Variants in KYNU observed in about 807,000 individuals in gnomAD.
KYNU encodes the protein L-kynurenine hydrolase.
A neutral mutation model predicts 59.2 loss-of-function variants in KYNU; 54 were observed. That is an observed-to-expected ratio of 0.91 (90% CI 0.73 to 1.14). The LOEUF (loss-of-function observed/expected upper bound fraction) is 1.14, where lower values mean the gene tolerates loss of function less well. Among genes scored for constraint, KYNU ranks in the 50% most tolerant of loss-of-function variants. The pLI is 0.00. For synonymous variants in KYNU, 177 were observed against 192.0 expected (o/e 0.92, Z 0.65); for missense variants, 567 against 554.4 (o/e 1.02, Z -0.23).
At chr2:142,967,541 G>A (rs995059097) in intron 8 of KYNU, 1 of 152,048 alleles carries the variant, frequency 6.6e-6, no homozygotes, top group African/African-American at 2.4e-5. Context: ...TCTGGATCCA[G>A]AATAATTTAA....
chr2:143,031,812 C>CCACCTGAG (rs1686750995), intron 11 of KYNU, among the ~76,000 whole-genome samples: 1 of 152,132 alleles, frequency 6.6e-6, no homozygotes, highest in African/African-American at 2.4e-5. Flanking sequence ...TATAAAGATA[C>CCACCTGAG]CACCTGAGAC....
intron 4 of KYNU, among the ~76,000 whole-genome samples, chr2:142,943,695 A>G (rs911997072): frequency 3.3e-5 from 5 of 152,190 alleles, no homozygotes; most frequent in Admixed American, 6.5e-5. Flanking sequence ...ATGTGAACAT[A>G]AATTTGCTTT....
At chr2:142,933,959 G>C (rs1360714077) in intron 4 of KYNU, among the ~76,000 whole-genome samples, 2 of 152,166 alleles carry the variant, frequency 1.3e-5, no homozygotes, top group East Asian at 3.8e-4. Flanking sequence ...TTTAGGTTTA[G>C]AACAGAAAAA....
At chr2:142,911,816 G>C (rs1250657067) in intron 2 of KYNU, among the ~76,000 whole-genome samples, 1 of 152,082 alleles carries the variant, frequency 6.6e-6, no homozygotes, top group Non-Finnish European at 1.5e-5. Flanking sequence ...TATGGTTTTT[G>C]TTCTCAATTA....
intron 11 of KYNU, among the ~76,000 whole-genome samples, chr2:143,032,793 A>G (rs1686795113): frequency 6.7e-6 from 1 of 149,042 alleles, no homozygotes; most frequent in Non-Finnish European, 1.5e-5. Flanking sequence ...CCTAGAGCTA[A>G]AAGTCAGCTT....
chr2:143,027,216 T>C (rs943452604), intron 10 of KYNU, among the ~76,000 whole-genome samples: 1 of 152,156 alleles, frequency 6.6e-6, no homozygotes, highest in African/African-American at 2.4e-5. Context: ...TTTAGATAAA[T>C]TGGAAGGAGT....
rs2304700 is a variant in KYNU, at chr2:143,033,445, G to T, written c.1041+124G>T. 97,866 of 810,176 alleles carry T rather than the reference G, an allele frequency of 0.12. 6,731 individuals carry two copies. Among genetic ancestry groups the T allele is most frequent in the East Asian group, 0.26 (10,862 of 41,042 alleles). The allele number at this position is 810,176 out of a possible 1,614,324, so 50.2% of individuals were successfully genotyped here. A position where few individuals can be genotyped will look rare whatever the true frequency, so the allele number is the denominator to read the frequency against. ...ACATGTGCACTGTGCATGAACAAGG[G>T]ACAGAAGGCAGCATTCCCCTTTAGG... On this transcript the variant is annotated intron_variant, in intron 12 of 13. Coordinates refer to ENST00000264170, the MANE Select transcript of KYNU (RefSeq NM_003937.3).
chr2:142,980,364 T>G (rs1388712037), intron 8 of KYNU, among the ~76,000 whole-genome samples: 2 of 151,622 alleles, frequency 1.3e-5, no homozygotes, highest in African/African-American at 4.8e-5. Flanking sequence ...AAGGTCTTTA[T>G]GACCTGTATC....
chr2:142,987,865 G>C (rs558153668), intron 10 of KYNU, among the ~76,000 whole-genome samples: 1 of 151,952 alleles, frequency 6.6e-6, no homozygotes, highest in Non-Finnish European at 1.5e-5. Flanking sequence ...ATGATGGTGA[G>C]TTCTTAATGA....
intron 10 of KYNU, among the ~76,000 whole-genome samples, chr2:142,987,753 G>T (rs1024380312): frequency 2.0e-5 from 3 of 151,934 alleles, no homozygotes; most frequent in African/African-American, 7.2e-5. Flanking sequence ...GTTTGGATTT[G>T]TGTCCCCACC....
intron 12 of KYNU, among the ~76,000 whole-genome samples, chr2:143,036,842 A>G (rs949410332): frequency 6.6e-6 from 1 of 152,220 alleles, no homozygotes; most frequent in Non-Finnish European, 1.5e-5. Context: ...TGAAGTTTCA[A>G]TAAACGAAAG....
intron 2 of KYNU, among the ~76,000 whole-genome samples, chr2:142,896,633 A>C (rs1052306772): frequency 1.3e-5 from 2 of 151,974 alleles, no homozygotes; most frequent in African/African-American, 4.8e-5. Context: ...TGCATCCTTG[A>C]CCTTCTTGGG....
chr2:142,899,372 G>C (rs1311892991), intron 2 of KYNU, among the ~76,000 whole-genome samples: 1 of 152,064 alleles, frequency 6.6e-6, no homozygotes, highest in African/African-American at 2.4e-5. Flanking sequence ...TTTACTACCC[G>C]ATTGGTCAGG....
At chr2:142,991,003 A>G (rs956160087) in intron 10 of KYNU, among the ~76,000 whole-genome samples, 7 of 151,926 alleles carry the variant, frequency 4.6e-5, no homozygotes, top group Non-Finnish European at 8.8e-5. Flanking sequence ...TAGAAAAACA[A>G]TATGCATCAA....
chr2:143,041,967 T>TG, intron 13 of KYNU, 80 bp from the exon 14 acceptor site: 1 of 1,455,196 alleles, frequency 6.9e-7, no homozygotes, highest in Non-Finnish European at 9.6e-7. Flanking sequence ...TGAAAGTGCT[T>TG]TACATAAGTT....
intron 8 of KYNU, among the ~76,000 whole-genome samples, chr2:142,966,871 G>A (rs895705223): frequency 6.6e-6 from 1 of 151,922 alleles, no homozygotes; most frequent in Non-Finnish European, 1.5e-5. Flanking sequence ...GACTATCCAG[G>A]CTTGTTGGAA....
At chr2:142,908,407 G>GTT (rs546580962) in intron 2 of KYNU, among the ~76,000 whole-genome samples, 86 of 147,324 alleles carry the variant, frequency 5.8e-4, no homozygotes, top group African/African-American at 2.1e-3. Context: ...TGAGAAGTCT[G>GTT]TTTTTTTTTT....
chr2:142,891,718 C>T (rs961291919), intron 2 of KYNU, among the ~76,000 whole-genome samples: 3 of 152,144 alleles, frequency 2.0e-5, no homozygotes, highest in Non-Finnish European at 2.9e-5. Context: ...GCATGAAATA[C>T]AGGAAAGCAT....
intron 10 of KYNU, among the ~76,000 whole-genome samples, chr2:143,012,526 A>G (rs1394190409): frequency 3.3e-5 from 5 of 151,728 alleles, no homozygotes; most frequent in African/African-American, 1.2e-4. Context: ...AAAAGGGACT[A>G]TGGAGTACAA....
Sources: allele counts gnomAD v4.1 joint callset (sites outside exome capture counted in the v4.1 genomes callset), GRCh38; gene constraint gnomAD v4.1.1; transcripts MANE v1.5; gene names NCBI Gene and HGNC (gene_info 2026-07-23, HGNC 2026-07-21).